RIPK1: variants seen among roughly 807,000 people sequenced by gnomAD.
RIPK1 encodes receptor interacting serine/threonine kinase 1, also known as receptor-interacting serine/threonine-protein kinase 1.
RIPK1 carries 27 observed loss-of-function variants against 62.4 expected under a neutral mutation model. The ratio of observed to expected loss-of-function variants is 0.43; its 90% CI spans 0.32 to 0.60. The LOEUF (loss-of-function observed/expected upper bound fraction) is 0.60, where lower values mean the gene tolerates loss of function less well. RIPK1 is among the 20% of genes least tolerant of loss of function. RIPK1 has a pLI of 0.07. For missense variants in RIPK1, 735 were observed against 831.0 expected (o/e 0.88, Z 1.42); for synonymous variants, 287 against 303.2 (o/e 0.95, Z 0.55).
chr6:3,077,028 G>T lies in RIPK1; in HGVS notation c.164+41G>T, dbSNP rs369557416. On this transcript the variant is annotated intron_variant, in intron 2 of 10. Coordinates refer to ENST00000259808, the MANE Select transcript of RIPK1 (RefSeq NM_001354930.2). Reference sequence around the variant, plus strand: ...GGGTGGGTGGGCTAAGTTCTGAGCGGGATGGGGACGTTGGCTGTTGTGGAG... The same window carrying T: ...GGGTGGGTGGGCTAAGTTCTGAGCGTGATGGGGACGTTGGCTGTTGTGGAG... The T allele has an allele frequency of 1.0e-3, 1,533 of 1,539,884 alleles. 3 individuals are homozygous for T. The highest frequency in any genetic ancestry group is 1.2e-3 in the Non-Finnish European group (1,415 of 1,139,784).
intron 1 of RIPK1, among the ~76,000 whole-genome samples, chr6:3,071,576 C>G (rs1758713718): frequency 6.6e-6 from 1 of 152,170 alleles, no homozygotes; most frequent in Non-Finnish European, 1.5e-5. Flanking sequence ...GTATATCCTT[C>G]AACTACTCAC....
chr6:3,071,048 T>C (rs958103362), intron 1 of RIPK1, among the ~76,000 whole-genome samples: 2 of 152,264 alleles, frequency 1.3e-5, no homozygotes, highest in African/African-American at 4.8e-5. Context: ...AAACTCTGTT[T>C]CAATTCTTGT....
intron 7 of RIPK1, among the ~76,000 whole-genome samples, chr6:3,095,069 A>G (rs1760216022): frequency 6.6e-6 from 1 of 152,126 alleles, no homozygotes; most frequent in Non-Finnish European, 1.5e-5. Context: ...GAGAAAAAAA[A>G]GAAAAAAAAG....
upstream of RIPK1, among the ~76,000 whole-genome samples, chr6:3,065,078 TAAAAAAAAG>T (rs779978705): frequency 3.0e-4 from 45 of 150,038 alleles, no homozygotes; most frequent in Non-Finnish European, 5.5e-4. Context: ...CCGTCTCTAC[TAAAAAAAAG>T]AAAAAAAAGA....
At chr6:3,096,025 C>G (rs1031412041) in intron 7 of RIPK1, among the ~76,000 whole-genome samples, 1 of 152,044 alleles carries the variant, frequency 6.6e-6, no homozygotes, top group African/African-American at 2.4e-5. Flanking sequence ...TTTGTAGAGA[C>G]AGGATTTTGC....
chr6:3,094,422 G>A (rs919529121), intron 7 of RIPK1, among the ~76,000 whole-genome samples: 11 of 152,108 alleles, frequency 7.2e-5, no homozygotes, highest in Admixed American at 2.6e-4. Context: ...TAGAAGTAAC[G>A]AAATATACTT....
chr6:3,073,558 G>A (rs6920024), intron 1 of RIPK1, among the ~76,000 whole-genome samples: 36,508 of 151,364 alleles, frequency 0.24, 4,626 homozygotes, highest in South Asian at 0.35. Flanking sequence ...GCAGCCCCCC[G>A]CCTCCACCCA....
At chr6:3,098,858 G>A (rs971775796) in intron 7 of RIPK1, among the ~76,000 whole-genome samples, 2 of 152,258 alleles carry the variant, frequency 1.3e-5, no homozygotes, top group Non-Finnish European at 2.9e-5. Context: ...AGCTCTGGCA[G>A]CCGGGAGCAC....
At chr6:3,085,101 G>A (rs1275575587) in intron 5 of RIPK1, among the ~76,000 whole-genome samples, 158 bp from the exon 6 acceptor site, 1 of 152,178 alleles carries the variant, frequency 6.6e-6, no homozygotes, top group East Asian at 1.9e-4. Flanking sequence ...GGTCATCTCT[G>A]TAGTGGAATA....
At chr6:3,085,208 C>A in intron 5 of RIPK1, 51 bp from the exon 6 acceptor site, 1 of 1,606,390 alleles carries the variant, frequency 6.2e-7, no homozygotes, top group South Asian at 1.1e-5. Flanking sequence ...GTTCTGTCAC[C>A]TTCCTGCCTG....
At chr6:3,098,124 A>G (rs6901419) in intron 7 of RIPK1, among the ~76,000 whole-genome samples, 28,328 of 152,202 alleles carry the variant, frequency 0.19, 6,943 homozygotes, top group African/African-American at 0.57. Flanking sequence ...GCTTGGGCCC[A>G]GGAGGCTGCG....
chr6:3,081,055 G>C lies in RIPK1; in HGVS notation c.398G>C (p.Gly133Ala). The C allele has an allele frequency of 6.2e-7, 1 of 1,614,154 alleles. No individual in the cohort carries two copies. The highest frequency in any genetic ancestry group is 8.5e-7 in the Non-Finnish European group (1 of 1,180,002). The stretch of plus-strand genomic sequence containing the variant: ...GGAATGTGCTACTTACATGGAAAAG[G>C]CGTGATACACAAGGACCTGAAGCCT... ...IEGMCYLHGK[G>A]VIHKDLKPEN... The change falls in exon 4 of 11, where the codon GGC becomes GCC. Residue 133 changes from glycine (G) to alanine (A), a missense_variant. By Grantham distance (60) the Gly-to-Ala change is moderately conservative. Transcript: ENST00000259808.
chr6:3,100,019 A>G (rs1243758139), intron 7 of RIPK1, among the ~76,000 whole-genome samples: 1 of 152,232 alleles, frequency 6.6e-6, no homozygotes, highest in African/African-American at 2.4e-5. Context: ...TAAAAGAAAG[A>G]GGTGGAAACT....
At chr6:3,075,063 GCA>G (rs1434801939) in intron 1 of RIPK1, among the ~76,000 whole-genome samples, 1 of 152,188 alleles carries the variant, frequency 6.6e-6, no homozygotes, top group Non-Finnish European at 1.5e-5. Flanking sequence ...ACATTCACAT[GCA>G]CACACCAGTG....
At position 3,085,366 on chromosome 6, in the gene RIPK1, C is replaced by G. The variant is rs746472345; in HGVS notation, c.796C>G (p.Leu266Val). ...CPREIISLMK[L>V]CWEANPEARP... ...AAGAGAAATTATCAGTCTCATGAAGCTCTGCTGGGAAGCGAATCCGGAAGC... is the reference window on the plus strand; with the variant it reads ...AAGAGAAATTATCAGTCTCATGAAGGTCTGCTGGGAAGCGAATCCGGAAGC... Residue 266 changes from leucine (L) to valine (V), a missense_variant, in exon 6 of 11, where the codon CTC becomes GTC. Transcript: ENST00000259808. The G allele has an allele frequency of 6.2e-7, 1 of 1,614,212 alleles. No individual in the cohort carries two copies. Among genetic ancestry groups the G allele is most frequent in the African/African-American group, 1.3e-5 (1 of 75,060 alleles).
In RIPK1 at chr6:3,083,065, T is replaced by C. The variant is rs1186215910; in HGVS notation, c.460-20T>C. 3 of 1,611,234 alleles carry C rather than the reference T, an allele frequency of 1.9e-6. No individual in the cohort carries two copies. In the African/African-American group the frequency reaches 4.0e-5, roughly 22 times the overall value. On this transcript the variant is annotated intron_variant, in intron 4 of 10. Transcript: ENST00000259808. ...TACGGCCTTCACCAAACAATCCCAG[T>C]GGCTCAATGTCTTTCGCAGATCGCA...
chr6:3,112,480 C>T (rs1368890758), intron 10 of RIPK1, among the ~76,000 whole-genome samples: 2 of 152,180 alleles, frequency 1.3e-5, no homozygotes, highest in African/African-American at 2.4e-5. Flanking sequence ...TTCACAGAGC[C>T]ATCAGCTGTG....
chr6:3,102,457 A>G (rs58015938), intron 7 of RIPK1, among the ~76,000 whole-genome samples: 23,047 of 152,164 alleles, frequency 0.15, 4,584 homozygotes, highest in African/African-American at 0.46. Flanking sequence ...AATTGGAAAC[A>G]ATCCAAAATC....
intron 6 of RIPK1, among the ~76,000 whole-genome samples, chr6:3,086,357 A>T (rs1156889815): frequency 6.6e-6 from 1 of 152,210 alleles, no homozygotes; most frequent in Non-Finnish European, 1.5e-5. Flanking sequence ...AGTTTATTTT[A>T]AAAATTCCCT....
Sources: gnomAD v4.1 joint callset for allele counts (sites outside exome capture counted in the v4.1 genomes callset) on GRCh38, gnomAD v4.1.1 for gene constraint, MANE v1.5 for transcripts, NCBI Gene and HGNC (gene_info 2026-07-23, HGNC 2026-07-21) for gene names.